The following LRRTM3 variants were observed in gnomAD, a reference collection of about 807,000 sequenced individuals.
LRRTM3 encodes leucine rich repeat transmembrane neuronal 3, also known as leucine-rich repeat transmembrane neuronal protein 3.
LRRTM3 carries 24 observed loss-of-function variants against 44.7 expected under a neutral mutation model. The ratio of observed to expected loss-of-function variants is 0.54; its 90% CI spans 0.39 to 0.76. LRRTM3 has a LOEUF of 0.76. LRRTM3 is among the 30% of genes least tolerant of loss of function. LRRTM3 has a pLI of 0.00. For missense variants in LRRTM3, 587 were observed against 702.2 expected, an observed-to-expected ratio of 0.84 and a Z score of 1.85; for synonymous variants, 277 against 278.7, an observed-to-expected ratio of 0.99 and a Z score of 0.06.
chr10:66,968,785 G>A (rs1324056599), intron 2 of LRRTM3, among the ~76,000 whole-genome samples: 1 of 152,102 alleles, frequency 6.6e-6, no homozygotes, highest in East Asian at 1.9e-4. Flanking sequence ...GGGAGGCCAA[G>A]GTGGGCAGAT....
intron 2 of LRRTM3, among the ~76,000 whole-genome samples, chr10:67,077,619 C>T (rs1856806218): frequency 6.6e-6 from 1 of 152,278 alleles, no homozygotes; most frequent in African/African-American, 2.4e-5. Context: ...TTCTATGATG[C>T]AACTCCCTGA....
At chr10:67,093,024 A>G (rs1164602104) in intron 2 of LRRTM3, among the ~76,000 whole-genome samples, 1 of 152,062 alleles carries the variant, frequency 6.6e-6, no homozygotes, top group Non-Finnish European at 1.5e-5. Context: ...TCATAGCCTT[A>G]AGAAGAATTA....
intron 2 of LRRTM3, among the ~76,000 whole-genome samples, chr10:67,036,449 A>T (rs1374796164): frequency 6.6e-6 from 1 of 152,040 alleles, no homozygotes; most frequent in East Asian, 1.9e-4. Flanking sequence ...GCAAATCATG[A>T]GGTCAGGAGT....
At chr10:66,996,668 A>AAAAAAAAAAAAAAC (rs1851369647) in intron 2 of LRRTM3, among the ~76,000 whole-genome samples, 1 of 150,804 alleles carries the variant, frequency 6.6e-6, no homozygotes. Flanking sequence ...AAAAAAAAAA[A>AAAAAAAAAAAAAAC]AAAGCATGTT....
intron 2 of LRRTM3, among the ~76,000 whole-genome samples, chr10:67,097,053 T>C (rs1440428410): frequency 6.6e-6 from 1 of 151,890 alleles, no homozygotes; most frequent in Non-Finnish European, 1.5e-5. Context: ...CAGCATCATA[T>C]AGGAACTTGT....
chr10:66,986,222 G>C (rs1332673862), intron 2 of LRRTM3, among the ~76,000 whole-genome samples: 1 of 152,046 alleles, frequency 6.6e-6, no homozygotes, highest in South Asian at 2.1e-4. Context: ...AGACTGCTGG[G>C]CATGGTGGCT....
intron 2 of LRRTM3, among the ~76,000 whole-genome samples, chr10:67,032,762 A>G (rs1853811240): frequency 6.6e-6 from 1 of 152,212 alleles, no homozygotes; most frequent in African/African-American, 2.4e-5. Flanking sequence ...GATGTCAACA[A>G]AAGCAATTTT....
chr10:67,063,303 A>G (rs567421891), intron 2 of LRRTM3, among the ~76,000 whole-genome samples: 16 of 152,324 alleles, frequency 1.1e-4, no homozygotes, highest in African/African-American at 3.4e-4. Context: ...TGTTGCATTA[A>G]ATGATTTTGG....
intron 2 of LRRTM3, among the ~76,000 whole-genome samples, chr10:66,977,570 T>A (rs1165710548): frequency 1.3e-5 from 2 of 152,200 alleles, no homozygotes; most frequent in African/African-American, 4.8e-5. Flanking sequence ...CACTGTCACG[T>A]GTAAAATAGA....
intron 2 of LRRTM3, among the ~76,000 whole-genome samples, chr10:67,043,535 G>C (rs1490904725): frequency 6.6e-6 from 1 of 152,050 alleles, no homozygotes; most frequent in African/African-American, 2.4e-5. Context: ...TGATTTCTCT[G>C]CCTAATGTGA....
intron 2 of LRRTM3, among the ~76,000 whole-genome samples, chr10:67,080,008 G>A (rs1415015060): frequency 6.6e-6 from 1 of 151,992 alleles, no homozygotes; most frequent in Non-Finnish European, 1.5e-5. Context: ...ACAAGGTTTT[G>A]GTTTTGTTTT....
At chr10:66,957,744 C>T (rs146987085) in intron 2 of LRRTM3, among the ~76,000 whole-genome samples, 5 of 152,042 alleles carry the variant, frequency 3.3e-5, no homozygotes, top group South Asian at 4.2e-4. Flanking sequence ...ATGGCATCAC[C>T]ATCCTAAGGC....
At chr10:67,042,222 T>C (rs544025976) in intron 2 of LRRTM3, among the ~76,000 whole-genome samples, 12 of 152,192 alleles carry the variant, frequency 7.9e-5, no homozygotes, top group Non-Finnish European at 1.8e-4. Flanking sequence ...ATTTCAATAG[T>C]GCAGGGGATG....
At position 66,927,039 on chromosome 10, in the gene LRRTM3, A is replaced by C. The variant is rs1313318070; in HGVS notation, c.123A>C (p.Glu41Asp). Residue 41 changes from glutamate to aspartate, a missense_variant, in exon 2 of 3, where the codon GAA becomes GAC. By Grantham distance (45) the Glu-to-Asp change is conservative. This residue lies in a region of LRRTM3 where 222 missense variants were observed against 323.3 expected (regional missense o/e 0.69). Coordinates refer to ENST00000361320, the MANE Select transcript of LRRTM3 (RefSeq NM_178011.5). The surrounding 1 kb of genome is among the most constrained non-coding windows in gnomAD (Gnocchi z 4.7). ...GATGCCCTAAGGGCTGTAGGTGTGAAGGCAAAATGGTATATTGTGAATCTC... is the reference window on the plus strand; with the variant it reads ...GATGCCCTAAGGGCTGTAGGTGTGACGGCAAAATGGTATATTGTGAATCTC... ...ERGCPKGCRC[E>D]GKMVYCESQK... 1.2e-6 allele frequency: 2 copies of C among 1,614,042 alleles called. No homozygotes were observed. The highest frequency in any genetic ancestry group is 1.7e-6 in the Non-Finnish European group (2 of 1,180,046).
In LRRTM3 at chr10:66,985,201, A is replaced by G. The variant is rs1758504524; in HGVS notation, c.1536+56749A>G. On this transcript the variant is annotated intron_variant, in intron 2 of 2. Coordinates refer to ENST00000361320, the MANE Select transcript of LRRTM3 (RefSeq NM_178011.5). ...GTCATGGGTGAGTAAAAAACAAATC[A>G]GGTACTCATATAGTTTATTTAGTAA... Among the ~76,000 whole-genome samples the G allele has an allele frequency of 2.0e-5, 3 of 152,210 alleles. No homozygotes were observed. In the South Asian group the frequency reaches 6.2e-4, roughly 32 times the overall value.
intron 2 of LRRTM3, among the ~76,000 whole-genome samples, chr10:66,948,069 G>T (rs1428784557): frequency 6.6e-6 from 1 of 152,156 alleles, no homozygotes; most frequent in Non-Finnish European, 1.5e-5. Flanking sequence ...TCTAAACATA[G>T]AAAAGGTAGG....
intron 2 of LRRTM3, among the ~76,000 whole-genome samples, chr10:67,018,068 G>C (rs1486966121): frequency 6.6e-6 from 1 of 152,010 alleles, no homozygotes; most frequent in African/African-American, 2.4e-5. Flanking sequence ...CACCATGCCT[G>C]GCCTGTGGAT....
At chr10:67,040,453 C>T (rs145543415) in intron 2 of LRRTM3, among the ~76,000 whole-genome samples, 4,460 of 152,148 alleles carry the variant, frequency 0.029, 120 homozygotes, top group Non-Finnish European at 0.038. Flanking sequence ...TTTGTCATCA[C>T]AAATTGGATT....
At chr10:67,095,145 G>GA (rs1172123780) in intron 2 of LRRTM3, among the ~76,000 whole-genome samples, 2 of 151,468 alleles carry the variant, frequency 1.3e-5, no homozygotes, top group East Asian at 3.9e-4. Flanking sequence ...GTCAACCTGG[G>GA]AAAAATCTAC....
Sources: allele counts gnomAD v4.1 joint callset (sites outside exome capture counted in the v4.1 genomes callset), GRCh38; gene constraint gnomAD v4.1.1; regional missense constraint gnomAD v4.1.1; non-coding constraint Gnocchi (gnomAD v3.1); transcripts MANE v1.5; gene names NCBI Gene and HGNC (gene_info 2026-07-23, HGNC 2026-07-21).